The following BABAM2 variants were observed in gnomAD, a reference collection of about 807,000 sequenced individuals.
BABAM2 encodes BRISC and BRCA1-A complex member 2.
BABAM2 carries 31 observed loss-of-function variants against 54.7 expected under a neutral mutation model. That is an observed-to-expected ratio of 0.57 (90% CI 0.43 to 0.77). The LOEUF (loss-of-function observed/expected upper bound fraction) is 0.77, where lower values mean the gene tolerates loss of function less well. Ranked by LOEUF, BABAM2 falls within the 30% of genes least tolerant of loss-of-function variation. BABAM2 has a pLI of 0.00. For missense variants in BABAM2, 364 were observed against 455.8 expected, an observed-to-expected ratio of 0.80 and a Z score of 1.83; for synonymous variants, 167 against 162.9, an observed-to-expected ratio of 1.03 and a Z score of -0.19.
chr2:27,974,848 G>C (rs369963524), intron 3 of BABAM2, among the ~76,000 whole-genome samples: 1 of 151,954 alleles, frequency 6.6e-6, no homozygotes, highest in South Asian at 2.1e-4. Flanking sequence ...AAATCCCAAC[G>C]CATATTCAAA....
At chr2:28,187,802 G>A (rs1180217158) in intron 7 of BABAM2, among the ~76,000 whole-genome samples, 1 of 151,370 alleles carries the variant, frequency 6.6e-6, no homozygotes, top group Non-Finnish European at 1.5e-5. Context: ...CCAAGTAGCT[G>A]GGATTACAGG....
chr2:28,314,610 A>G (rs796184958), intron 11 of BABAM2, among the ~76,000 whole-genome samples: 2 of 152,342 alleles, frequency 1.3e-5, no homozygotes, highest in African/African-American at 4.8e-5. Flanking sequence ...CATTCAGCAG[A>G]TGTTTATTGA....
At chr2:28,169,024 A>G (rs1421916179) in intron 7 of BABAM2, among the ~76,000 whole-genome samples, 3 of 152,188 alleles carry the variant, frequency 2.0e-5, no homozygotes, top group African/African-American at 4.8e-5. Flanking sequence ...TAGCTCCAGT[A>G]TGTGTTATCC....
chr2:28,104,357 C>A (rs1270369571), intron 6 of BABAM2, among the ~76,000 whole-genome samples: 1 of 152,152 alleles, frequency 6.6e-6, no homozygotes, highest in Non-Finnish European at 1.5e-5. Context: ...AAACAAACAA[C>A]CCCATCAAAA....
At position 28,029,183 on chromosome 2, in the gene BABAM2, T is replaced by C. The variant is rs72854460; in HGVS notation, c.495+3763T>C. On this transcript the variant is annotated intron_variant, in intron 5 of 11. Transcript: ENST00000379624. Reference sequence around the variant, plus strand: ...ATCAAGTTGTTTGTTCAGTTCAAGGTTTTTTTCCTTTTGTAAAGTCTTGAA... The same window carrying C: ...ATCAAGTTGTTTGTTCAGTTCAAGGCTTTTTTCCTTTTGTAAAGTCTTGAA... Among the ~76,000 whole-genome samples the C allele has an allele frequency of 2.8e-3, 421 of 152,312 alleles. 1 individual carries two copies. Among genetic ancestry groups the C allele is most frequent in the African/African-American group, 9.7e-3 (403 of 41,558 alleles).
chr2:28,280,187 C>T (rs6547840), intron 10 of BABAM2, among the ~76,000 whole-genome samples: 18,692 of 151,636 alleles, frequency 0.12, 1,689 homozygotes, highest in African/African-American at 0.26. Context: ...GCCTCTCAAG[C>T]AGCTGGGACT....
intron 3 of BABAM2, among the ~76,000 whole-genome samples, chr2:27,953,106 C>T (rs1297608429): frequency 1.3e-5 from 2 of 152,054 alleles, no homozygotes; most frequent in East Asian, 1.9e-4. Flanking sequence ...ACTGCAGACT[C>T]GAACTCCTGA....
chr2:27,914,701 A>C (rs1666836072), intron 2 of BABAM2, among the ~76,000 whole-genome samples: 1 of 152,212 alleles, frequency 6.6e-6, no homozygotes, highest in African/African-American at 2.4e-5. Context: ...TAAAAAACAG[A>C]AGAGAATGGA....
rs1038135257 is a variant in BABAM2 at position 28,202,342 on chromosome 2, A to G, written c.681-34860A>G. Among the ~76,000 whole-genome samples, 7 of 151,776 alleles carry G rather than the reference A, an allele frequency of 4.6e-5. No homozygotes were observed. The East Asian group carries it at 1.4e-3, about 29-fold the overall frequency. ...CCCTTCCTGTCTCTTCCCACATCCC[A>G]TTGAGTCCCCCCTTCCCTGGAGCTT... On this transcript the variant is annotated intron_variant, in intron 7 of 11. Coordinates refer to ENST00000379624, the MANE Select transcript of BABAM2 (RefSeq NM_199191.3).
chr2:28,049,996 G>A (rs1349038570), intron 6 of BABAM2, among the ~76,000 whole-genome samples: 1 of 152,202 alleles, frequency 6.6e-6, no homozygotes, highest in Non-Finnish European at 1.5e-5. Context: ...GGCAAGTACT[G>A]AAAAGGAGTG....
intron 11 of BABAM2, chr2:28,327,585 G>A (rs1690584375): frequency 3.9e-6 from 4 of 1,018,598 alleles, no homozygotes; most frequent in Admixed American, 3.3e-5. Context: ...CACATACTGA[G>A]ACCACAGTCA....
intron 5 of BABAM2, among the ~76,000 whole-genome samples, chr2:28,031,263 G>A (rs965795487): frequency 2.0e-5 from 3 of 152,086 alleles, no homozygotes; most frequent in Non-Finnish European, 4.4e-5. Flanking sequence ...AAAAGTTTGG[G>A]TATAACTCTT....
At chr2:28,189,663 G>A (rs1417180193) in intron 7 of BABAM2, among the ~76,000 whole-genome samples, 1 of 151,942 alleles carries the variant, frequency 6.6e-6, no homozygotes, top group Non-Finnish European at 1.5e-5. Context: ...ATTGTCAGTG[G>A]GCCAGAAGTC....
In BABAM2 at chr2:27,924,924, A is replaced by G. The variant is rs532450983; in HGVS notation, c.129-4908A>G. Among the ~76,000 whole-genome samples the G allele has an allele frequency of 2.0e-5, 3 of 152,326 alleles. No homozygotes were observed. The South Asian group carries it at 6.2e-4, about 32-fold the overall frequency. On this transcript the variant is annotated intron_variant, in intron 2 of 11. Transcript: ENST00000379624. Reference sequence around the variant, plus strand: ...TAACATATCTTAAATGATTTGCCCAACATTTCATTGGAAGACAAGCTGAGT... The same window carrying G: ...TAACATATCTTAAATGATTTGCCCAGCATTTCATTGGAAGACAAGCTGAGT...
At chr2:27,938,166 C>G (rs888484998) in intron 3 of BABAM2, among the ~76,000 whole-genome samples, 1 of 152,138 alleles carries the variant, frequency 6.6e-6, no homozygotes, top group African/African-American at 2.4e-5. Context: ...AACCTTAAAT[C>G]TATTGTATAC....
chr2:28,110,548 C>T (rs909892407), intron 6 of BABAM2, among the ~76,000 whole-genome samples: 2 of 151,772 alleles, frequency 1.3e-5, no homozygotes, highest in Non-Finnish European at 2.9e-5. Flanking sequence ...CACTTGAACC[C>T]GGGAAGTGGA....
chr2:28,112,147 T>TTCTTTCTTTCCC lies in BABAM2; in HGVS notation c.571-17123_571-17122insCTTTCTTTCCCT, dbSNP rs1558346715. Reference sequence around the variant, plus strand: ...TTTCTTTCTTTCTTTCTTTCTTTCTTTACCTCCCTCCCTCCCTCCCTCCCT... The same window carrying TTCTTTCTTTCCC: ...TTTCTTTCTTTCTTTCTTTCTTTCTTTCTTTCTTTCCCTACCTCCCTCCCTCCCTCCCTCCCT... On this transcript the variant is annotated intron_variant, in intron 6 of 11. Coordinates refer to ENST00000379624, the MANE Select transcript of BABAM2 (RefSeq NM_199191.3). Among the ~76,000 whole-genome samples the TTCTTTCTTTCCC allele has an allele frequency of 5.7e-3, 30 of 5,244 alleles. 8 individuals are homozygous for TTCTTTCTTTCCC. Among genetic ancestry groups the TTCTTTCTTTCCC allele is most frequent in the East Asian group, 0.014 (2 of 146 alleles). 3.4% of individuals were successfully genotyped at this position (5,244 alleles called of 152,430 possible).
chr2:28,198,860 T>C (rs1182326886), intron 7 of BABAM2, among the ~76,000 whole-genome samples: 4 of 152,162 alleles, frequency 2.6e-5, no homozygotes, highest in African/African-American at 9.7e-5. Context: ...TTTAATGCCT[T>C]ACCTGTATTT....
chr2:27,934,224 C>G lies in BABAM2; in HGVS notation c.205+4316C>G, dbSNP rs60222950. Among the ~76,000 whole-genome samples the G allele has an allele frequency of 2.6e-3, 400 of 152,110 alleles. 1 individual carries two copies. Among genetic ancestry groups the G allele is most frequent in the African/African-American group, 9.3e-3 (384 of 41,490 alleles). On this transcript the variant is annotated intron_variant, in intron 3 of 11. Coordinates refer to ENST00000379624, the MANE Select transcript of BABAM2 (RefSeq NM_199191.3). ...ACTTTTTAATTATTATTTTTTTAAA[C>G]TTAAAAATTTTTGCTTTCTAAATCA...
Sources: allele counts gnomAD v4.1 joint callset (sites outside exome capture counted in the v4.1 genomes callset), GRCh38; gene constraint gnomAD v4.1.1; transcripts MANE v1.5; gene names NCBI Gene and HGNC (gene_info 2026-07-23, HGNC 2026-07-21).